Variants in C5orf15 observed in about 807,000 individuals in gnomAD.
C5orf15 encodes keratinocyte-associated transmembrane protein 2.
Under a neutral mutation model 17.8 loss-of-function variants are expected in C5orf15, and 10 were observed. The observed-to-expected ratio is 0.56, with a 90% CI of 0.35 to 0.95. The LOEUF (loss-of-function observed/expected upper bound fraction) is 0.95. Among genes scored for constraint, C5orf15 ranks in the 40% least tolerant of loss-of-function variants. C5orf15 has a pLI of 0.02. For missense variants in C5orf15, 319 were observed against 331.7 expected (o/e 0.96, Z 0.30); for synonymous variants, 124 against 131.0 (o/e 0.95, Z 0.36).
At chr5:133,962,830 C>T (rs963833202) in intron 1 of C5orf15, among the ~76,000 whole-genome samples, 1 of 152,176 alleles carries the variant, frequency 6.6e-6, no homozygotes, top group African/African-American at 2.4e-5. Flanking sequence ...CATTCCCTTA[C>T]GGTCACCATC....
chr5:133,959,404 C>CTTTAAAAA (rs1752084810), intron 2 of C5orf15, 90 bp downstream of exon 2: 1 of 121,926 alleles, frequency 8.2e-6, no homozygotes, highest in Admixed American at 2.2e-4. Context: ...CTTTTTTTTG[C>CTTTAAAAA]AAAAAAAAAA....
chr5:133,967,209 A>C (rs1019829991), intron 1 of C5orf15, among the ~76,000 whole-genome samples: 1 of 152,252 alleles, frequency 6.6e-6, no homozygotes, highest in Non-Finnish European at 1.5e-5. Flanking sequence ...ATTACATTTC[A>C]CTAATGATAA....
chr5:133,965,888 G>A (rs1456032794), intron 1 of C5orf15, among the ~76,000 whole-genome samples: 3 of 152,114 alleles, frequency 2.0e-5, no homozygotes, highest in South Asian at 4.1e-4. Context: ...TTGTGCTACT[G>A]CACTCCAGCC....
chr5:133,959,403 G>GAAAAA, intron 2 of C5orf15, 91 bp downstream of exon 2: 1 of 446,246 alleles, frequency 2.2e-6, no homozygotes, highest in Non-Finnish European at 3.2e-6. Flanking sequence ...ACTTTTTTTT[G>GAAAAA]CAAAAAAAAA....
chr5:133,958,783 GAAA>G, intron 2 of C5orf15, among the ~76,000 whole-genome samples: 1 of 150,374 alleles, frequency 6.7e-6, no homozygotes, highest in East Asian at 1.9e-4. Flanking sequence ...TTTATAACCA[GAAA>G]AAAAATCAAA....
intron 1 of C5orf15, among the ~76,000 whole-genome samples, chr5:133,964,855 A>C (rs1752171640): frequency 1.3e-5 from 2 of 152,268 alleles, no homozygotes; most frequent in Admixed American, 6.5e-5. Flanking sequence ...AGTAACCATT[A>C]TCTCACATGG....
In C5orf15 at chr5:133,959,999, G is replaced by A. The variant is rs763701663; in HGVS notation, c.161C>T (p.Pro54Leu). Residue 54 changes from proline to leucine, a missense_variant, in exon 2 of 3, where the codon CCG becomes CTG. This residue lies in a region of C5orf15 where 127 missense variants were observed against 95.6 expected (regional missense o/e 1.33). Coordinates refer to ENST00000231512, the MANE Select transcript of C5orf15 (RefSeq NM_020199.3). Reference sequence around the variant, plus strand: ...ATGTGAGTTGAGTACGGTTGGGCTCGGTGAATCAGTCCGTGATACAACTGA... The same window carrying A: ...ATGTGAGTTGAGTACGGTTGGGCTCAGTGAATCAGTCCGTGATACAACTGA... ...LSSVVSRTDS[P>L]SPTVLNSHIS... 2.5e-5 allele frequency: 40 copies of A among 1,608,732 alleles called. No homozygotes were observed. The highest frequency in any genetic ancestry group is 6.6e-5 in the South Asian group (6 of 90,786).
Position 133,968,508 on chromosome 5 carries a change from A to G in C5orf15, c.77T>C (p.Leu26Pro), listed in dbSNP as rs1287120207. 6.2e-7 allele frequency: 1 copy of G among 1,607,460 alleles called. No individual in the cohort carries two copies. ...KLLPGSAIQALVGLARPLVLA... is the reference protein window; with the variant it reads ...KLLPGSAIQAPVGLARPLVLA... ...GACCAGCGGCCGCGCCAACCCCACA[A>G]GGGCTTGGATGGCCGACCCGGGCAG... Residue 26 changes from leucine to proline, a missense_variant, in exon 1 of 3, where the codon CTT (leucine) becomes CCT (proline). Physicochemically the swap from Leu to Pro is moderately conservative, Grantham distance 98. Coordinates refer to ENST00000231512, the MANE Select transcript of C5orf15 (RefSeq NM_020199.3).
chr5:133,957,052 A>C, intron 2 of C5orf15, 62 bp from the exon 3 acceptor site: 3 of 1,338,084 alleles, frequency 2.2e-6, no homozygotes, highest in Non-Finnish European at 3.1e-6. Context: ...AAACATTTTT[A>C]TAACAAGTAA....
rs897580354 is a variant in C5orf15 at position 133,959,977 on chromosome 5, T to G, written c.183A>C (p.Ser61=). The G allele has an allele frequency of 1.2e-6, 2 of 1,613,888 alleles. No homozygotes were observed. Among genetic ancestry groups the G allele is most frequent in the Non-Finnish European group, 1.7e-6 (2 of 1,179,956 alleles). Residue 61 remains serine, a synonymous_variant, in exon 2 of 3, where the codon TCA becomes TCC. Transcript: ENST00000231512. ...TDSPSPTVLN[S]HISTPNVNAL... ...CATTCACATTTGGGGTAGAAATATG[T>G]GAGTTGAGTACGGTTGGGCTCGGTG... is the stretch of plus-strand genomic sequence containing the variant.
intron 1 of C5orf15, among the ~76,000 whole-genome samples, chr5:133,964,165 C>T (rs915166412): frequency 9.2e-5 from 14 of 151,906 alleles, no homozygotes; most frequent in Non-Finnish European, 4.4e-5. Flanking sequence ...TGCAGTGAGC[C>T]GAGATCGTGC....
At chr5:133,966,354 T>C (rs2126879029) in intron 1 of C5orf15, among the ~76,000 whole-genome samples, 1 of 151,854 alleles carries the variant, frequency 6.6e-6, no homozygotes, top group Admixed American at 6.6e-5. Flanking sequence ...ACACACTGGT[T>C]TGAGAAACAA....
Position 133,968,568 on chromosome 5 carries a change from G to C in C5orf15, c.17C>G (p.Pro6Arg), listed in dbSNP as rs756098993. 2.5e-6 allele frequency: 4 copies of C among 1,609,424 alleles called. No individual in the cohort carries two copies. The highest frequency in any genetic ancestry group is 1.7e-5 in the Admixed American group (1 of 59,642). ...TTGTGCTGGCCCCCTCATCCTCTTC[G>C]GGACGGCAGCGGCCATAACGGACTC... is the stretch of plus-strand genomic sequence containing the variant. MAAAV[P>R]KRMRGPAQAK... The change falls in exon 1 of 3, where the codon CCG becomes CGG. Residue 6 changes from proline (P) to arginine (R), a missense_variant. This residue lies in a region of C5orf15 where 127 missense variants were observed against 95.6 expected (regional missense o/e 1.33). Coordinates refer to ENST00000231512, the MANE Select transcript of C5orf15 (RefSeq NM_020199.3).
Position 133,959,990 on chromosome 5 carries a change from G to A in C5orf15, c.170C>T (p.Thr57Ile), listed in dbSNP as rs1291023339. The change falls in exon 2 of 3, where the codon ACC becomes ATC. Residue 57 changes from threonine (T) to isoleucine (I), a missense_variant. Thr to Ile is a moderately conservative substitution (Grantham distance 89). This residue lies in a region of C5orf15 where 127 missense variants were observed against 95.6 expected (regional missense o/e 1.33). Transcript: ENST00000231512. ...GGTAGAAATATGTGAGTTGAGTACG[G>A]TTGGGCTCGGTGAATCAGTCCGTGA... The part of the protein sequence containing the change: ...VVSRTDSPSP[T>I]VLNSHISTPN... 4.3e-6 allele frequency: 7 copies of A among 1,611,234 alleles called. No homozygotes were observed. Among genetic ancestry groups the A allele is most frequent in the Non-Finnish European group, 5.9e-6 (7 of 1,177,712 alleles).
rs781201368 is a variant in C5orf15 at position 133,959,884 on chromosome 5, C to A, written c.276G>T (p.Thr92=). 1.9e-6 allele frequency: 3 copies of A among 1,613,916 alleles called. No individual in the cohort carries two copies. The highest frequency in any genetic ancestry group is 1.7e-4 in the Middle Eastern group (1 of 6,060). Residue 92 remains threonine, a synonymous_variant, in exon 2 of 3, where the codon ACG becomes ACT. Transcript: ENST00000231512. ...ATGCTCCTCCACTTTTCTTGGTACT[C>A]GTCGTGGGAGGGAGGGTGGTGCTGA... is the stretch of plus-strand genomic sequence containing the variant. ...SQISTTLPPT[T]STKKSGGASV...
In C5orf15 at chr5:133,960,161, A is replaced by T. The variant is rs1052975750; in HGVS notation, c.140-141T>A. On this transcript the variant is annotated intron_variant, in intron 1 of 2. Transcript: ENST00000231512. ...TCTCGAAAACTAGTTATTAAGTCTCAATAGCCAGCATTCAGTTACATTTCT... is the reference window on the plus strand; with the variant it reads ...TCTCGAAAACTAGTTATTAAGTCTCTATAGCCAGCATTCAGTTACATTTCT... 25 of 651,314 alleles carry T rather than the reference A, an allele frequency of 3.8e-5. No homozygotes were observed. The Admixed American group carries it at 5.6e-4, about 15-fold the overall frequency. 40.3% of individuals were successfully genotyped at this position (651,314 alleles called of 1,614,324 possible).
chr5:133,957,116 A>C, intron 2 of C5orf15, 126 bp from the exon 3 acceptor site: 1 of 861,784 alleles, frequency 1.2e-6, no homozygotes, highest in Non-Finnish European at 1.8e-6. Flanking sequence ...AACAACAAAA[A>C]AGCTATTTTA....
chr5:133,966,650 T>A (rs1199938992), intron 1 of C5orf15, among the ~76,000 whole-genome samples: 3 of 152,214 alleles, frequency 2.0e-5, no homozygotes, highest in Admixed American at 6.5e-5. Flanking sequence ...CTTTGTAAAC[T>A]CACTTGAAAT....
At chr5:133,961,687 G>A (rs376889444) in intron 1 of C5orf15, among the ~76,000 whole-genome samples, 2 of 150,146 alleles carry the variant, frequency 1.3e-5, no homozygotes, top group East Asian at 3.9e-4. Context: ...CTGGTTTCAA[G>A]CCCCCCATGT....
Sources: allele counts gnomAD v4.1 joint callset (sites outside exome capture counted in the v4.1 genomes callset), GRCh38; gene constraint gnomAD v4.1.1; regional missense constraint gnomAD v4.1.1; transcripts MANE v1.5; gene names NCBI Gene and HGNC (gene_info 2026-07-23, HGNC 2026-07-21).